Variants in SYNPR observed in about 807,000 individuals in gnomAD.
The protein encoded by SYNPR is synaptoporin.
In SYNPR, 23 loss-of-function variants were observed where a neutral mutation model predicts 32.9. The observed-to-expected ratio is 0.70, with a 90% CI of 0.50 to 0.99. The LOEUF is 0.99. Ranked by LOEUF, SYNPR falls within the 50% of genes least tolerant of loss-of-function variation. SYNPR has a pLI of 0.00. For missense variants in SYNPR, 318 were observed against 349.3 expected, an observed-to-expected ratio of 0.91 and a Z score of 0.71; for synonymous variants, 146 against 135.9, an observed-to-expected ratio of 1.07 and a Z score of -0.52.
intron 2 of SYNPR, among the ~76,000 whole-genome samples, chr3:63,380,099 T>G (rs2087946795): frequency 1.3e-5 from 2 of 152,088 alleles, no homozygotes; most frequent in South Asian, 2.1e-4. Flanking sequence ...GATGGACATT[T>G]GGGTTGGTTC....
At chr3:63,376,079 T>C (rs1219228008) in intron 2 of SYNPR, among the ~76,000 whole-genome samples, 1 of 152,148 alleles carries the variant, frequency 6.6e-6, no homozygotes, top group African/African-American at 2.4e-5. Context: ...TCAGCAAATA[T>C]TCTCAATAGA....
intron 2 of SYNPR, among the ~76,000 whole-genome samples, chr3:63,420,958 G>T (rs1699788149): frequency 6.6e-6 from 1 of 152,106 alleles, no homozygotes; most frequent in Non-Finnish European, 1.5e-5. Flanking sequence ...ATGGCTCACT[G>T]CAGCCTCAAC....
chr3:63,540,512 T>C (rs567688354), intron 3 of SYNPR, among the ~76,000 whole-genome samples: 2 of 151,806 alleles, frequency 1.3e-5, no homozygotes, highest in South Asian at 2.1e-4. Flanking sequence ...TACTTTGAGA[T>C]TGATAAAATG....
chr3:63,524,854 T>C (rs1413448221), intron 3 of SYNPR, among the ~76,000 whole-genome samples: 2 of 74,340 alleles, frequency 2.7e-5, no homozygotes, highest in African/African-American at 1.1e-4. Flanking sequence ...TGTGTGTGCA[T>C]GTGTGTGTGT....
chr3:63,484,771 G>A (rs1381780617), intron 3 of SYNPR, among the ~76,000 whole-genome samples: 4 of 151,954 alleles, frequency 2.6e-5, no homozygotes, highest in African/African-American at 9.7e-5. Flanking sequence ...TTAAACTTTT[G>A]GATTTTTAAA....
At chr3:63,396,394 T>A (rs964135749) in intron 2 of SYNPR, among the ~76,000 whole-genome samples, 1 of 152,180 alleles carries the variant, frequency 6.6e-6, no homozygotes, top group Non-Finnish European at 1.5e-5. Context: ...AGCAAGTCAA[T>A]ATCCCATGTC....
intron 3 of SYNPR, among the ~76,000 whole-genome samples, chr3:63,498,126 G>C (rs954747206): frequency 6.6e-6 from 1 of 152,168 alleles, no homozygotes; most frequent in South Asian, 2.1e-4. Context: ...TGTGTAACCA[G>C]ATGAGGATAG....
intron 1 of SYNPR, among the ~76,000 whole-genome samples, chr3:63,229,482 A>C (rs1220530443): frequency 6.6e-6 from 1 of 152,118 alleles, no homozygotes; most frequent in Non-Finnish European, 1.5e-5. Context: ...CAAGGGAGCT[A>C]ATTATCTTCT....
At chr3:63,366,281 G>A (rs1279690382) in intron 2 of SYNPR, among the ~76,000 whole-genome samples, 1 of 151,982 alleles carries the variant, frequency 6.6e-6, no homozygotes, top group Non-Finnish European at 1.5e-5. Flanking sequence ...CTCCTAAAAT[G>A]CTAATTTTCT....
chr3:63,364,404 T>G (rs923679157), intron 2 of SYNPR, among the ~76,000 whole-genome samples: 1 of 152,138 alleles, frequency 6.6e-6, no homozygotes, highest in African/African-American at 2.4e-5. Flanking sequence ...CTCAAATAGA[T>G]AGAGTGCTTA....
intron 2 of SYNPR, among the ~76,000 whole-genome samples, chr3:63,476,079 A>AGAGG (rs1209723180): frequency 7.3e-6 from 1 of 137,782 alleles, no homozygotes; most frequent in Non-Finnish European, 1.6e-5. Flanking sequence ...AAGGAAGAAT[A>AGAGG]GAGGAAGGGA....
the SYNPR span, among the ~76,000 whole-genome samples, chr3:63,210,793 C>T: frequency 1.4e-5 from 1 of 68,966 alleles, no homozygotes; most frequent in African/African-American, 4.8e-5. Context: ...TCCCATTTTC[C>T]TCCCTTCCTT....
At chr3:63,561,977 TATA>T (rs1431145033) in intron 4 of SYNPR, among the ~76,000 whole-genome samples, 1 of 152,164 alleles carries the variant, frequency 6.6e-6, no homozygotes, top group Non-Finnish European at 1.5e-5. Flanking sequence ...TGCTGAATGA[TATA>T]ATAGTTAGAA....
chr3:63,607,150 T>C (rs1700135603), intron 4 of SYNPR, among the ~76,000 whole-genome samples: 1 of 152,166 alleles, frequency 6.6e-6, no homozygotes, highest in Admixed American at 6.5e-5. Context: ...ACCATCATAC[T>C]ATAGGTAATG....
At chr3:63,205,702 T>G in the SYNPR span, among the ~76,000 whole-genome samples, 1 of 152,242 alleles carries the variant, frequency 6.6e-6, no homozygotes, top group African/African-American at 2.4e-5. Context: ...TGAGAATAAC[T>G]GAGCTCTGTT....
intron 2 of SYNPR, among the ~76,000 whole-genome samples, chr3:63,326,173 G>A (rs1440708745): frequency 6.6e-6 from 1 of 151,930 alleles, no homozygotes; most frequent in Admixed American, 6.6e-5. Context: ...TTGGTAGCAG[G>A]AATGATGACT....
At chr3:63,260,018 G>A (rs566303344) in intron 2 of SYNPR, among the ~76,000 whole-genome samples, 59 of 152,246 alleles carry the variant, frequency 3.9e-4, no homozygotes, top group African/African-American at 7.5e-4. Context: ...TACAAGGGAC[G>A]CGAAGGACCT....
intron 4 of SYNPR, among the ~76,000 whole-genome samples, chr3:63,583,873 T>A (rs1300888702): frequency 2.0e-5 from 3 of 152,040 alleles, no homozygotes; most frequent in Non-Finnish European, 2.9e-5. Flanking sequence ...TCAGGAGAGA[T>A]AATAAGTAAA....
chr3:63,574,617 T>C (rs1011205929), intron 4 of SYNPR, among the ~76,000 whole-genome samples: 4 of 152,174 alleles, frequency 2.6e-5, no homozygotes, highest in Admixed American at 1.3e-4. Context: ...AACCATACTG[T>C]AAGCCCATCT....
Sources: allele counts gnomAD v4.1 joint callset (sites outside exome capture counted in the v4.1 genomes callset), GRCh38; gene constraint gnomAD v4.1.1; transcripts MANE v1.5; gene names NCBI Gene and HGNC (gene_info 2026-07-23, HGNC 2026-07-21).